LGSN: variants seen among roughly 807,000 people sequenced by gnomAD.
LGSN encodes lengsin.
In LGSN, 21 loss-of-function variants were observed where a neutral mutation model predicts 19.5. That is an observed-to-expected ratio of 1.07 (90% confidence interval 0.76 to 1.55). The LOEUF (loss-of-function observed/expected upper bound fraction) is 1.55, where lower values mean the gene tolerates loss of function less well. Among genes scored for constraint, LGSN ranks in the 40% most tolerant of loss-of-function variants. The pLI is 0.00. For synonymous variants in LGSN, 257 were observed against 215.6 expected (o/e 1.19, Z -1.68); for missense variants, 673 against 608.5 (o/e 1.11, Z -1.12).
At chr6:63,552,139 ACTAGTTTACAGTCCCACCAACAGT>A in the LGSN span, among the ~76,000 whole-genome samples, 1 of 152,278 alleles carries the variant, frequency 6.6e-6, no homozygotes, top group Admixed American at 6.5e-5. Flanking sequence ...CAATGGTTGA[ACTAGTTTACAGTCCCACCAACAGT>A]GTAAAAGTGT....
chr6:63,480,604 A>G, the LGSN span: 2 of 152,456 alleles, frequency 1.3e-5, no homozygotes, highest in Non-Finnish European at 2.9e-5. Context: ...AGATATGACA[A>G]AATTAGAAGA....
chr6:63,546,842 C>G, the LGSN span, among the ~76,000 whole-genome samples: 4 of 152,066 alleles, frequency 2.6e-5, no homozygotes, highest in African/African-American at 9.7e-5. Context: ...CTTAAATTTT[C>G]TCATCTCAAA....
At chr6:63,439,384 A>T in the LGSN span, among the ~76,000 whole-genome samples, 76 of 152,138 alleles carry the variant, frequency 5.0e-4, no homozygotes, top group Non-Finnish European at 8.4e-4. Flanking sequence ...AATAATAATT[A>T]AAAAAACACA....
At position 63,285,751 on chromosome 6, in the gene LGSN, A is replaced by T; in HGVS notation, c.166T>A (p.Cys56Ser). The T allele has an allele frequency of 1.9e-6, 3 of 1,613,484 alleles. No homozygotes were observed. Among genetic ancestry groups the T allele is most frequent in the Non-Finnish European group, 2.5e-6 (3 of 1,179,592 alleles). ...GETDMSNSND[C>S]MRDSSQILTP... ...AAAATTTGACTGCTGTCCCTCATGC[A>T]ATCTGCAAAATAAAAAAATAGGTTC... The change falls in exon 3 of 4, where the codon TGC becomes AGC. Residue 56 changes from cysteine (C) to serine (S), a missense_variant and splice_region_variant. Physicochemically the swap from Cys to Ser is moderately radical, Grantham distance 112 (BLOSUM62 -1). Transcript: ENST00000370657.
chr6:63,409,385 A>G, the LGSN span, among the ~76,000 whole-genome samples: 1 of 152,182 alleles, frequency 6.6e-6, no homozygotes, highest in African/African-American at 2.4e-5. Context: ...ATATATCTAA[A>G]CTTCTTGATC....
chr6:63,377,943 A>T, the LGSN span, among the ~76,000 whole-genome samples: 6 of 150,486 alleles, frequency 4.0e-5, no homozygotes, highest in East Asian at 1.2e-3. Context: ...AAAGAAAAGA[A>T]AAAGGATGAA....
At chr6:63,299,873 T>C (rs1391307115) in intron 1 of LGSN, among the ~76,000 whole-genome samples, 1 of 152,170 alleles carries the variant, frequency 6.6e-6, no homozygotes, top group Non-Finnish European at 1.5e-5. Flanking sequence ...TTTATGCTGT[T>C]TTTGCTATAT....
chr6:63,468,234 T>G, the LGSN span, among the ~76,000 whole-genome samples: 3 of 152,150 alleles, frequency 2.0e-5, no homozygotes, highest in African/African-American at 7.2e-5. Flanking sequence ...GTTCAAATGA[T>G]TCTCCTGCCT....
intron 1 of LGSN, among the ~76,000 whole-genome samples, chr6:63,299,377 T>C (rs1253771342): frequency 6.6e-6 from 1 of 152,182 alleles, no homozygotes; most frequent in Non-Finnish European, 1.5e-5. Context: ...TAAAGTACCT[T>C]TTCCTATCCA....
the LGSN span, among the ~76,000 whole-genome samples, chr6:63,450,588 C>T: frequency 2.0e-5 from 3 of 149,828 alleles, no homozygotes; most frequent in South Asian, 4.2e-4. Context: ...TTTTAAAAAA[C>T]GTTAGTAAAC....
chr6:63,284,228 T>C (rs1767438516), intron 3 of LGSN, among the ~76,000 whole-genome samples: 1 of 152,220 alleles, frequency 6.6e-6, no homozygotes, highest in East Asian at 1.9e-4. Context: ...ATTAGGAAAC[T>C]GGGACTAAGA....
the LGSN span, among the ~76,000 whole-genome samples, chr6:63,471,072 C>A: frequency 6.6e-6 from 1 of 150,854 alleles, no homozygotes. Flanking sequence ...TCCCAAGTAG[C>A]TGGGATTACA....
the LGSN span, among the ~76,000 whole-genome samples, chr6:63,548,016 T>A: frequency 4.6e-5 from 7 of 152,136 alleles, no homozygotes; most frequent in Admixed American, 2.6e-4. Flanking sequence ...CTTGTTTAAT[T>A]CCCTCTAGGG....
Position 63,280,121 on chromosome 6 carries a change from C to G in LGSN, c.1430G>C (p.Gly477Ala). 2 of 1,614,186 alleles carry G rather than the reference C, an allele frequency of 1.2e-6. No homozygotes were observed. Among genetic ancestry groups the G allele is most frequent in the Non-Finnish European group, 1.7e-6 (2 of 1,180,030 alleles). ...AACAAAATATCGAATAAAGGTTTCT[C>G]CTAGAGCCTGTCTCAGGCATTGATC... Reference protein sequence around the residue: ...EEDQCLRQALGETFIRYFVAM... With the variant: ...EEDQCLRQALAETFIRYFVAM... Residue 477 changes from glycine (G) to alanine (A), a missense_variant, in exon 4 of 4, where the codon GGA becomes GCA. Gly to Ala is a moderately conservative substitution (Grantham distance 60, BLOSUM62 0). Coordinates refer to ENST00000370657, the MANE Select transcript of LGSN (RefSeq NM_016571.3).
the LGSN span, among the ~76,000 whole-genome samples, chr6:63,471,844 G>T: frequency 6.6e-6 from 1 of 151,970 alleles, no homozygotes. Context: ...AGGTCATGAG[G>T]GTGGGGACCC....
the LGSN span, among the ~76,000 whole-genome samples, chr6:63,371,635 CT>C: frequency 3.9e-5 from 6 of 152,188 alleles, no homozygotes; most frequent in Admixed American, 2.0e-4. Context: ...TTGTCACCAA[CT>C]TTTTTTCTAC....
chr6:63,449,743 G>A, the LGSN span, among the ~76,000 whole-genome samples: 3 of 152,036 alleles, frequency 2.0e-5, no homozygotes, highest in Non-Finnish European at 4.4e-5. Context: ...TCAGTCGTAG[G>A]TAGTTTCAGG....
the LGSN span, among the ~76,000 whole-genome samples, chr6:63,386,433 T>C: frequency 6.6e-6 from 1 of 152,170 alleles, no homozygotes; most frequent in Non-Finnish European, 1.5e-5. Flanking sequence ...CTTACTTGTT[T>C]GTTTGTTTCT....
the LGSN span, among the ~76,000 whole-genome samples, chr6:63,386,498 A>G: frequency 1.3e-5 from 2 of 151,944 alleles, no homozygotes; most frequent in African/African-American, 4.8e-5. Context: ...TGTCTTTCAT[A>G]TTTCCAATCT....
Sources: allele counts gnomAD v4.1 joint callset (sites outside exome capture counted in the v4.1 genomes callset), GRCh38; gene constraint gnomAD v4.1.1; transcripts MANE v1.5; gene names NCBI Gene and HGNC (gene_info 2026-07-23, HGNC 2026-07-21).